The following CASR variants were observed in gnomAD, a reference collection of about 807,000 sequenced individuals.
The protein encoded by CASR is extracellular calcium-sensing receptor.
Under a neutral mutation model 69.1 loss-of-function variants are expected in CASR, and 23 were observed. That is an observed-to-expected ratio of 0.33 (90% confidence interval 0.24 to 0.47). CASR has a LOEUF of 0.47. Among genes scored for constraint, CASR ranks in the 20% least tolerant of loss-of-function variants. CASR has a pLI of 1.00. For missense variants in CASR, 924 were observed against 1,356.1 expected, an observed-to-expected ratio of 0.68 and a Z score of 5.00; for synonymous variants, 541 against 544.7, an observed-to-expected ratio of 0.99 and a Z score of 0.10.
At chr3:122,208,766 C>G (rs1417061451) in intron 1 of CASR, among the ~76,000 whole-genome samples, 1 of 152,190 alleles carries the variant, frequency 6.6e-6, no homozygotes, top group African/African-American at 2.4e-5. Context: ...TGGCTTCTTT[C>G]CCTCCAGCAC....
intron 1 of CASR, among the ~76,000 whole-genome samples, chr3:122,235,713 C>T (rs892747831): frequency 5.9e-5 from 9 of 152,126 alleles, no homozygotes; most frequent in South Asian, 2.1e-4. Flanking sequence ...AGGAGGATCA[C>T]GAGCCCAGGA....
At chr3:122,224,437 G>A (rs867363270) in intron 1 of CASR, among the ~76,000 whole-genome samples, 14 of 152,062 alleles carry the variant, frequency 9.2e-5, no homozygotes, top group East Asian at 5.8e-4. Flanking sequence ...ACAATTCCAC[G>A]TACAATAGCC....
At position 122,250,257 on chromosome 3, in the gene CASR, C is replaced by G. The variant is rs141983370; in HGVS notation, c.-242-3691C>G. On this transcript the variant is annotated intron_variant, in intron 1 of 6. Coordinates refer to ENST00000639785, the MANE Select transcript of CASR (RefSeq NM_000388.4). ...TGACCCTCAGCTTTGGAAGCAAATT[C>G]GACCCTGACAACTGAACTCAAAAGG... Among the ~76,000 whole-genome samples, 153 of 152,034 alleles carry G rather than the reference C, an allele frequency of 1.0e-3. 1 individual carries two copies. Among genetic ancestry groups the G allele is most frequent in the African/African-American group, 3.4e-3 (143 of 41,464 alleles).
intron 1 of CASR, among the ~76,000 whole-genome samples, chr3:122,186,631 CTA>C (rs1170619493): frequency 6.6e-6 from 1 of 152,250 alleles, no homozygotes; most frequent in Non-Finnish European, 1.5e-5. Flanking sequence ...TAAATATTGA[CTA>C]TATGTTATTA....
chr3:122,187,223 T>G (rs1419978206), intron 1 of CASR, among the ~76,000 whole-genome samples: 1 of 152,208 alleles, frequency 6.6e-6, no homozygotes, highest in African/African-American at 2.4e-5. Context: ...GGCTGTAATA[T>G]CTTCCTTCCA....
intron 1 of CASR, among the ~76,000 whole-genome samples, chr3:122,202,553 G>A (rs1047879362): frequency 1.3e-5 from 2 of 152,062 alleles, no homozygotes; most frequent in Non-Finnish European, 2.9e-5. Context: ...CTTTCAATAG[G>A]AATGCTATAT....
At chr3:122,208,869 C>T (rs934774197) in intron 1 of CASR, among the ~76,000 whole-genome samples, 9 of 151,930 alleles carry the variant, frequency 5.9e-5, no homozygotes, top group Admixed American at 1.3e-4. Flanking sequence ...AAAGAGTGCA[C>T]GCCTTAGATG....
rs2107632173 is a variant in CASR, at chr3:122,261,764, C to T, written c.729C>T (p.Ile243=). Reference sequence around the variant, plus strand: ...TCTGCATCGACTTCAGTGAACTCATCTCCCAGTACTCTGATGAGGAAGAGA... The same window carrying T: ...TCTGCATCGACTTCAGTGAACTCATTTCCCAGTACTCTGATGAGGAAGAGA... The part of the protein sequence containing the change: ...RDICIDFSEL[I]SQYSDEEEIQ... The change falls in exon 4 of 7, where the codon ATC becomes ATT. Residue 243 remains isoleucine, a synonymous_variant. Transcript: ENST00000639785. 1.9e-6 allele frequency: 3 copies of T among 1,614,206 alleles called. No individual in the cohort carries two copies. Among genetic ancestry groups the T allele is most frequent in the Non-Finnish European group, 2.5e-6 (3 of 1,180,002 alleles).
At chr3:122,263,395 G>T (rs1233018021) in intron 4 of CASR, among the ~76,000 whole-genome samples, 2 of 152,102 alleles carry the variant, frequency 1.3e-5, no homozygotes, top group African/African-American at 4.8e-5. Flanking sequence ...TTTGACTTAG[G>T]TTCATGACAT....
Position 122,261,460 on chromosome 3 carries a change from C to T in CASR, c.493-68C>T, listed in dbSNP as rs554144591. 4.1e-4 allele frequency: 598 copies of T among 1,448,534 alleles called. 10 individuals carry two copies. In the South Asian group the frequency reaches 6.6e-3, roughly 16 times the overall value. The allele number at this position is 1,448,534 out of a possible 1,614,324, so 89.7% of individuals were successfully genotyped here. A position where few individuals can be genotyped will look rare whatever the true frequency, so the allele number is the denominator to read the frequency against. On this transcript the variant is annotated intron_variant, in intron 3 of 6. Coordinates refer to ENST00000639785, the MANE Select transcript of CASR (RefSeq NM_000388.4). ...CTCAGAAAGCCACCTCCACAACAGCCTGGAGGCTCACTCAGCACCTCTTCA... is the reference window on the plus strand; with the variant it reads ...CTCAGAAAGCCACCTCCACAACAGCTTGGAGGCTCACTCAGCACCTCTTCA...
At chr3:122,246,944 A>G (rs77764867) in intron 1 of CASR, 6,783 of 152,398 alleles carry the variant, frequency 0.045, 177 homozygotes, top group South Asian at 0.077. Flanking sequence ...TCAAAGTTAC[A>G]TCAGCAGTCA....
intron 1 of CASR, among the ~76,000 whole-genome samples, chr3:122,188,386 C>G (rs185795132): frequency 6.6e-6 from 1 of 152,238 alleles, no homozygotes. Flanking sequence ...GTCTGTTATC[C>G]TTTGACTCTG....
chr3:122,268,403 A>C (rs1646329915), intron 4 of CASR, among the ~76,000 whole-genome samples: 1 of 152,216 alleles, frequency 6.6e-6, no homozygotes, highest in Non-Finnish European at 1.5e-5. Flanking sequence ...AAGAGGCCAA[A>C]GGAGTTGCTA....
chr3:122,272,931 A>G (rs1225239395), intron 4 of CASR, among the ~76,000 whole-genome samples: 3 of 152,244 alleles, frequency 2.0e-5, no homozygotes, highest in African/African-American at 4.8e-5. Flanking sequence ...GAAGACTTGT[A>G]GCCAGGGATG....
rs745525043 is a variant in CASR, at chr3:122,257,314, C to T, written c.419C>T (p.Ala140Val). The T allele has an allele frequency of 6.2e-7, 1 of 1,613,966 alleles. No homozygotes were observed. Among genetic ancestry groups the T allele is most frequent in the Non-Finnish European group, 8.5e-7 (1 of 1,179,804 alleles). ...TCAGAGCACATTCCCTCTACGATTG[C>T]TGTGGTGGGAGCAACTGGCTCAGGC... The part of the protein sequence containing the change: ...NCSEHIPSTI[A>V]VVGATGSGVS... Residue 140 changes from alanine (A) to valine (V), a missense_variant, in exon 3 of 7, where the codon GCT (alanine) becomes GTT (valine). Physicochemically the swap from Ala to Val is moderately conservative, Grantham distance 64. This residue lies in a region of CASR where 141 missense variants were observed against 283.0 expected (regional missense o/e 0.50). Transcript: ENST00000639785.
At chr3:122,224,564 C>T (rs2074204192) in intron 1 of CASR, among the ~76,000 whole-genome samples, 1 of 152,166 alleles carries the variant, frequency 6.6e-6, no homozygotes, top group South Asian at 2.1e-4. Context: ...AATGGAGAAA[C>T]ATTCCGTGCT....
intron 1 of CASR, among the ~76,000 whole-genome samples, chr3:122,201,863 C>T (rs1382856242): frequency 9.9e-5 from 15 of 151,564 alleles, no homozygotes; most frequent in Non-Finnish European, 1.8e-4. Context: ...GATGGGATGG[C>T]GGCCGGGAAG....
intron 4 of CASR, among the ~76,000 whole-genome samples, chr3:122,274,257 C>T (rs936300463): frequency 6.6e-6 from 1 of 152,212 alleles, no homozygotes; most frequent in African/African-American, 2.4e-5. Flanking sequence ...AGGGAGGCAC[C>T]CAGGGTGCTA....
Position 122,284,326 on chromosome 3 carries a change from C to T in CASR, c.2372C>T (p.Ala791Val). ...CTGGCTGCCATCTGCTTCTTCTTTG[C>T]CTTCAAGTCCCGGAAGCTGCCGGAG... ...CLLAAICFFF[A>V]FKSRKLPENF... is the part of the protein sequence containing the mutation. The change falls in exon 7 of 7, where the codon GCC becomes GTC. Residue 791 changes from alanine (A) to valine (V), a missense_variant. Ala to Val is a moderately conservative substitution (Grantham distance 64). Around this residue, in one of 8 missense-constraint regions of CASR, gnomAD observed 184 missense variants for 278.8 expected, o/e 0.66. Coordinates refer to ENST00000639785, the MANE Select transcript of CASR (RefSeq NM_000388.4). 1 of 1,614,100 alleles carries T rather than the reference C, an allele frequency of 6.2e-7. No individual in the cohort carries two copies. The highest frequency in any genetic ancestry group is 8.5e-7 in the Non-Finnish European group (1 of 1,180,050).
Sources: gnomAD v4.1 joint callset for allele counts (sites outside exome capture counted in the v4.1 genomes callset) on GRCh38, gnomAD v4.1.1 for gene constraint, gnomAD v4.1.1 regional missense constraint, MANE v1.5 for transcripts, NCBI Gene and HGNC (gene_info 2026-07-23, HGNC 2026-07-21) for gene names.